SYT14: variants seen among roughly 807,000 people sequenced by gnomAD.
SYT14 encodes the protein synaptotagmin 14.
A neutral mutation model predicts 74.2 loss-of-function variants in SYT14; 32 were observed. That is an observed-to-expected ratio of 0.43 (90% confidence interval 0.33 to 0.58). SYT14 has a LOEUF of 0.58. SYT14 is among the 20% of genes least tolerant of loss of function. The pLI is 0.05. For synonymous variants in SYT14, 298 were observed against 337.7 expected (o/e 0.88, Z 1.29); for missense variants, 791 against 981.8 (o/e 0.81, Z 2.60).
intron 5 of SYT14, among the ~76,000 whole-genome samples, chr1:210,082,051 G>A (rs1054973097): frequency 6.6e-6 from 1 of 152,200 alleles, no homozygotes; most frequent in African/African-American, 2.4e-5. Context: ...ACAGCAGCAG[G>A]AATTCAGTTT....
At chr1:210,138,894 A>T (rs1052341580) in intron 7 of SYT14, among the ~76,000 whole-genome samples, 1 of 152,216 alleles carries the variant, frequency 6.6e-6, no homozygotes, top group Non-Finnish European at 1.5e-5. Flanking sequence ...TACATAAAAT[A>T]AAACACAAAC....
At chr1:210,160,751 A>G (rs1415855658) in exon 10 of SYT14, 3 of 1,613,896 alleles carry the variant, frequency 1.9e-6, no homozygotes, top group East Asian at 2.2e-5. Flanking sequence ...AGTTAACTCT[A>G]CTGAATTCCA....
chr1:209,941,802 C>G (rs141838232), intron 1 of SYT14, among the ~76,000 whole-genome samples: 1 of 152,070 alleles, frequency 6.6e-6, no homozygotes, highest in Non-Finnish European at 1.5e-5. Context: ...CCTTGGTAAC[C>G]GTGGGGGAGA....
chr1:210,138,010 T>TA (rs943600396), intron 7 of SYT14, among the ~76,000 whole-genome samples: 12 of 151,702 alleles, frequency 7.9e-5, no homozygotes, highest in East Asian at 5.8e-4. Context: ...AAATGGTAAA[T>TA]AAAAAAAAAT....
chr1:209,948,745 C>T (rs1218533221), intron 1 of SYT14, among the ~76,000 whole-genome samples: 1 of 152,000 alleles, frequency 6.6e-6, no homozygotes, highest in East Asian at 1.9e-4. Context: ...TTGGGCGTCT[C>T]CATTTATCTA....
chr1:210,065,812 G>T (rs1318879612), intron 5 of SYT14, among the ~76,000 whole-genome samples: 1 of 151,568 alleles, frequency 6.6e-6, no homozygotes, highest in African/African-American at 2.4e-5. Flanking sequence ...TGCCATGTTG[G>T]TGTGCTGCAC....
At chr1:210,079,179 C>A (rs2081572318) in intron 5 of SYT14, among the ~76,000 whole-genome samples, 1 of 151,914 alleles carries the variant, frequency 6.6e-6, no homozygotes, top group Admixed American at 6.6e-5. Flanking sequence ...CATTGCTCCC[C>A]TACAGAGATC....
chr1:209,972,918 G>A (rs747485616), intron 2 of SYT14, among the ~76,000 whole-genome samples: 3 of 152,132 alleles, frequency 2.0e-5, no homozygotes, highest in Non-Finnish European at 4.4e-5. Flanking sequence ...TTTCTGCCAC[G>A]ATGATGTGTC....
chr1:210,030,509 TGCATAGAAGATCATATAATCTGTGAG>T (rs1309464425), intron 5 of SYT14, among the ~76,000 whole-genome samples: 12 of 152,218 alleles, frequency 7.9e-5, no homozygotes, highest in Non-Finnish European at 1.6e-4. Context: ...TAGGATTTTC[TGCATAGAAGATCATATAATCTGTGAG>T]CAGAGATAAT....
Position 210,130,920 on chromosome 1 carries a change from C to T in SYT14, c.2035-24801C>T, listed in dbSNP as rs567562880. On this transcript the variant is annotated intron_variant, in intron 7 of 9. Transcript: ENST00000637265. ...AATCATATTTTGCCATTATATTTGT[C>T]GGTAACTTATTCATAACATTTGAAA... Among the ~76,000 whole-genome samples, 22 of 152,196 alleles carry T rather than the reference C, an allele frequency of 1.4e-4. No homozygotes were observed. In the East Asian group the frequency reaches 3.7e-3, roughly 25 times the overall value.
Position 209,958,394 on chromosome 1 carries a change from C to T in SYT14, c.-486+5638C>T, listed in dbSNP as rs151168090. Among the ~76,000 whole-genome samples, 475 of 151,596 alleles carry T rather than the reference C, an allele frequency of 3.1e-3. 6 individuals carry two copies. Among genetic ancestry groups the T allele is most frequent in the African/African-American group, 0.011 (460 of 41,306 alleles). The stretch of plus-strand genomic sequence containing the variant: ...GGCCTTTGATTTTCCATATAAAGTT[C>T]AGAATCAGCTTGTCAAGTTCCTTAA... On this transcript the variant is annotated intron_variant, in intron 2 of 9. Transcript: ENST00000637265.
At chr1:210,069,814 T>C (rs1198982509) in intron 5 of SYT14, among the ~76,000 whole-genome samples, 1 of 151,980 alleles carries the variant, frequency 6.6e-6, no homozygotes, top group African/African-American at 2.4e-5. Context: ...CTCTCTGTTA[T>C]ACCTTTTTTT....
At chr1:210,019,828 T>C (rs1453442966) in intron 4 of SYT14, among the ~76,000 whole-genome samples, 1 of 152,196 alleles carries the variant, frequency 6.6e-6, no homozygotes, top group East Asian at 1.9e-4. Context: ...CTTTCTAGAA[T>C]TGTTTAATAA....
At chr1:210,144,295 C>T (rs1309540966) in intron 7 of SYT14, among the ~76,000 whole-genome samples, 1 of 152,088 alleles carries the variant, frequency 6.6e-6, no homozygotes, top group Non-Finnish European at 1.5e-5. Context: ...GTCCAAGATA[C>T]AAATAATAAT....
At chr1:210,036,395 A>C (rs774367238) in intron 5 of SYT14, among the ~76,000 whole-genome samples, 3 of 151,918 alleles carry the variant, frequency 2.0e-5, no homozygotes, top group Non-Finnish European at 2.9e-5. Context: ...AATTTGACTT[A>C]CTATTTTCCA....
intron 8 of SYT14, among the ~76,000 whole-genome samples, 200 bp from the exon 8 acceptor site, chr1:210,159,221 C>G (rs1321864999): frequency 6.6e-6 from 1 of 152,060 alleles, no homozygotes; most frequent in Admixed American, 6.6e-5. Context: ...TACACAATAA[C>G]CTTAAAAATT....
chr1:210,099,193 CATT>C lies in SYT14; in HGVS notation c.1585-818_1585-816del, dbSNP rs139724208. Among the ~76,000 whole-genome samples the C allele has an allele frequency of 9.5e-3, 1,442 of 152,202 alleles. 20 individuals are homozygous for C. The highest frequency in any genetic ancestry group is 0.033 in the African/African-American group (1,362 of 41,518). Reference sequence around the variant, plus strand: ...TGAAAGGTCAGAGACGTAGGTTTGACATTGTTGGTAACTAGCTAAAACCCCTAT... The same window carrying C: ...TGAAAGGTCAGAGACGTAGGTTTGACGTTGGTAACTAGCTAAAACCCCTAT... On this transcript the variant is annotated intron_variant, in intron 6 of 9. Transcript: ENST00000637265.
At chr1:209,983,165 A>G (rs527424311) in intron 2 of SYT14, among the ~76,000 whole-genome samples, 14 of 151,744 alleles carry the variant, frequency 9.2e-5, no homozygotes, top group African/African-American at 3.1e-4. Context: ...TTTTCTTCGC[A>G]TTGTATTTTG....
chr1:210,019,540 A>C (rs1225905944), intron 4 of SYT14, among the ~76,000 whole-genome samples: 1 of 152,208 alleles, frequency 6.6e-6, no homozygotes, highest in South Asian at 2.1e-4. Flanking sequence ...TATTGGCTAC[A>C]TATTGGGCAA....
Sources: gnomAD v4.1 joint callset for allele counts (sites outside exome capture counted in the v4.1 genomes callset) on GRCh38, gnomAD v4.1.1 for gene constraint, MANE v1.5 for transcripts, NCBI Gene and HGNC (gene_info 2026-07-23, HGNC 2026-07-21) for gene names.